Variants in CORIN observed in about 807,000 individuals in gnomAD.
CORIN encodes atrial natriuretic peptide-converting enzyme.
CORIN carries 117 observed loss-of-function variants against 125.3 expected under a neutral mutation model. The observed-to-expected ratio is 0.93, with a 90% confidence interval of 0.80 to 1.09. The LOEUF is 1.09. Ranked by LOEUF, CORIN falls within the 50% of genes least tolerant of loss-of-function variation. The probability of loss-of-function intolerance (pLI) is 0.00; values close to 1 mark genes in which losing one functional copy is unlikely to be tolerated. For synonymous variants in CORIN, 450 were observed against 466.4 expected (o/e 0.96, Z 0.45); for missense variants, 1,253 against 1,306.7 (o/e 0.96, Z 0.63).
chr4:47,789,982 A>T (rs183749605), intron 2 of CORIN, among the ~76,000 whole-genome samples: 1 of 152,234 alleles, frequency 6.6e-6, no homozygotes, highest in African/African-American at 2.4e-5. Flanking sequence ...AGATCGCGCC[A>T]CTGCACTCCA....
intron 2 of CORIN, among the ~76,000 whole-genome samples, chr4:47,798,884 A>T (rs998108027): frequency 6.0e-5 from 9 of 149,862 alleles, no homozygotes; most frequent in African/African-American, 2.3e-4. Flanking sequence ...CTTTATGACC[A>T]TGAGACTCTA....
In CORIN at chr4:47,797,808, G is replaced by A. The variant is rs73136001; in HGVS notation, c.208+9095C>T. Among the ~76,000 whole-genome samples, 1,103 of 151,960 alleles carry A rather than the reference G, an allele frequency of 7.3e-3. 13 individuals are homozygous for A. Among genetic ancestry groups the A allele is most frequent in the African/African-American group, 0.024 (996 of 41,494 alleles). Reference sequence around the variant, plus strand: ...TTCATTTGACTTCCATAACAATTCTGTGATACAAAAAAGAATTATCTCATG... The same window carrying A: ...TTCATTTGACTTCCATAACAATTCTATGATACAAAAAAGAATTATCTCATG... On this transcript the variant is annotated intron_variant, in intron 2 of 21. Transcript: ENST00000273857.
At chr4:47,680,476 G>T in intron 7 of CORIN, 1 of 449,958 alleles carries the variant, frequency 2.2e-6, no homozygotes, top group Non-Finnish European at 4.0e-6. Flanking sequence ...TTTCAGATAA[G>T]TAACTACTCT....
At chr4:47,760,600 T>C (rs2109865805) in intron 4 of CORIN, among the ~76,000 whole-genome samples, 1 of 152,326 alleles carries the variant, frequency 6.6e-6, no homozygotes, top group South Asian at 2.1e-4. Context: ...TTAACGGCCT[T>C]AGGATTTTGG....
intron 10 of CORIN, among the ~76,000 whole-genome samples, chr4:47,667,686 G>A (rs1417109248): frequency 1.3e-5 from 2 of 152,154 alleles, no homozygotes; most frequent in South Asian, 4.2e-4. Flanking sequence ...GATGCATGAA[G>A]TGCAATATGA....
At chr4:47,765,645 T>A (rs949589065) in intron 3 of CORIN, among the ~76,000 whole-genome samples, 1 of 152,226 alleles carries the variant, frequency 6.6e-6, no homozygotes, top group Non-Finnish European at 1.5e-5. Flanking sequence ...TGTATGAGGA[T>A]GTCTGCTTTC....
intron 3 of CORIN, among the ~76,000 whole-genome samples, chr4:47,777,095 T>C (rs1218713539): frequency 6.6e-6 from 1 of 152,238 alleles, no homozygotes; most frequent in Non-Finnish European, 1.5e-5. Context: ...AGGCAGTTAG[T>C]AGACAACTGG....
At chr4:47,631,890 A>C (rs1282606065) in intron 16 of CORIN, among the ~76,000 whole-genome samples, 1 of 152,234 alleles carries the variant, frequency 6.6e-6, no homozygotes, top group African/African-American at 2.4e-5. Flanking sequence ...GGAATTGTGT[A>C]GTCATAAGAC....
At chr4:47,633,894 T>TA (rs1206781816) in intron 16 of CORIN, among the ~76,000 whole-genome samples, 1 of 152,144 alleles carries the variant, frequency 6.6e-6, no homozygotes, top group Non-Finnish European at 1.5e-5. Flanking sequence ...AACAGGAATA[T>TA]AAAAATGCTT....
At chr4:47,792,157 C>T (rs1185017869) in intron 2 of CORIN, among the ~76,000 whole-genome samples, 8 of 151,826 alleles carry the variant, frequency 5.3e-5, no homozygotes, top group Admixed American at 3.9e-4. Flanking sequence ...GGAAGTGAAA[C>T]ATTTTCTAGA....
At position 47,600,953 on chromosome 4, in the gene CORIN, A is replaced by C. The variant is rs372661496; in HGVS notation, c.2813-606T>G. On this transcript the variant is annotated intron_variant, in intron 20 of 21. Coordinates refer to ENST00000273857, the MANE Select transcript of CORIN (RefSeq NM_006587.4). Reference sequence around the variant, plus strand: ...ATATGTGAATTCCATCTTGCTTAAAAGTTCTTGAAGAATGACAATGGATTT... The same window carrying C: ...ATATGTGAATTCCATCTTGCTTAAACGTTCTTGAAGAATGACAATGGATTT... Among the ~76,000 whole-genome samples the C allele has an allele frequency of 7.2e-5, 11 of 152,330 alleles. No homozygotes were observed. The East Asian group carries it at 1.9e-3, about 27-fold the overall frequency.
chr4:47,643,883 GT>G (rs1046638638), intron 14 of CORIN, among the ~76,000 whole-genome samples: 14 of 152,218 alleles, frequency 9.2e-5, no homozygotes, highest in Non-Finnish European at 1.5e-4. Context: ...TCTGTCTACA[GT>G]TTTTTTGTTT....
chr4:47,687,691 T>C (rs1018680390), intron 6 of CORIN, among the ~76,000 whole-genome samples: 1 of 152,192 alleles, frequency 6.6e-6, no homozygotes, highest in Admixed American at 6.5e-5. Context: ...CAACTCAAGA[T>C]GCAAGTACGG....
chr4:47,684,306 A>G (rs1394988056), intron 6 of CORIN, among the ~76,000 whole-genome samples: 1 of 152,218 alleles, frequency 6.6e-6, no homozygotes, highest in East Asian at 1.9e-4. Context: ...TTACTGCTTA[A>G]GTCAATTGAG....
intron 19 of CORIN, among the ~76,000 whole-genome samples, chr4:47,619,038 T>C (rs1170996878): frequency 6.6e-6 from 1 of 152,162 alleles, no homozygotes; most frequent in African/African-American, 2.4e-5. Flanking sequence ...ATCAGATGTT[T>C]CTGACCATTA....
intron 3 of CORIN, among the ~76,000 whole-genome samples, chr4:47,765,031 G>C (rs1729648475): frequency 6.6e-6 from 1 of 152,102 alleles, no homozygotes; most frequent in Non-Finnish European, 1.5e-5. Context: ...CATCCTAGGG[G>C]CCGGGTGCGG....
chr4:47,650,956 A>T (rs1577783897), intron 13 of CORIN, among the ~76,000 whole-genome samples: 1 of 152,342 alleles, frequency 6.6e-6, no homozygotes, highest in Admixed American at 6.5e-5. Context: ...TACACAATCA[A>T]AGCAGCCTCA....
At chr4:47,744,355 T>A in intron 5 of CORIN, 47 bp downstream of exon 5, 1 of 1,522,630 alleles carries the variant, frequency 6.6e-7, no homozygotes, top group Non-Finnish European at 9.0e-7. Context: ...ATAAATGGCA[T>A]ACTCAAATAA....
intron 1 of CORIN, among the ~76,000 whole-genome samples, chr4:47,810,939 T>C (rs990767573): frequency 6.6e-6 from 1 of 152,212 alleles, no homozygotes; most frequent in Admixed American, 6.5e-5. Flanking sequence ...CATCCCCATA[T>C]CTGGTATTCT....
Sources: gnomAD v4.1 joint callset for allele counts (sites outside exome capture counted in the v4.1 genomes callset) on GRCh38, gnomAD v4.1.1 for gene constraint, MANE v1.5 for transcripts, NCBI Gene and HGNC (gene_info 2026-07-23, HGNC 2026-07-21) for gene names.